The following LZTS2 variants were observed in gnomAD, a reference collection of about 807,000 sequenced individuals.
LZTS2 encodes the protein leucine zipper putative tumor suppressor 2.
In LZTS2, 32 loss-of-function variants were observed where a neutral mutation model predicts 60.6. That is an observed-to-expected ratio of 0.53 (90% CI 0.40 to 0.71). The LOEUF is 0.71. LZTS2 is among the 30% of genes least tolerant of loss of function. The probability of loss-of-function intolerance (pLI) is 0.00; values close to 1 mark genes in which losing one functional copy is unlikely to be tolerated. For synonymous variants in LZTS2, 360 were observed against 393.1 expected (o/e 0.92, Z 1.00); for missense variants, 792 against 901.9 (o/e 0.88, Z 1.56).
rs747095348 is a variant in LZTS2 at position 101,002,893 on chromosome 10, C to T, written c.355C>T (p.His119Tyr). ...CCGAGAGCAGCGGGCACACAATGCC[C>T]ACCTCCGCGGCCCACCACCAAAGCT... The change falls in exon 1 of 4, where the codon CAC becomes TAC. Residue 119 changes from histidine to tyrosine, a missense_variant. Physicochemically the swap from His to Tyr is moderately conservative, Grantham distance 83. Transcript: ENST00000370220. The T allele has an allele frequency of 1.6e-5, 26 of 1,613,664 alleles. No individual in the cohort carries two copies. Among genetic ancestry groups the T allele is most frequent in the East Asian group, 4.5e-5 (2 of 44,886 alleles).
At chr10:101,006,583 G>T in exon 4 of LZTS2, 1 of 1,610,084 alleles carries the variant, frequency 6.2e-7, no homozygotes, top group South Asian at 1.1e-5. Context: ...TGGCTCTGCG[G>T]GTGGCGCTGC....
chr10:101,006,059 C>T (rs940447777), intron 3 of LZTS2, among the ~76,000 whole-genome samples: 1 of 152,192 alleles, frequency 6.6e-6, no homozygotes, highest in Non-Finnish European at 1.5e-5. Context: ...AACTGAGGCC[C>T]ATAAAGGCTG....
At chr10:101,007,430 C>T in exon 4 of LZTS2, 4 of 1,450,994 alleles carry the variant, frequency 2.8e-6, no homozygotes, top group Non-Finnish European at 1.8e-6. Context: ...CCCACCGCTG[C>T]CAGTGCCACT....
exon 4 of LZTS2, chr10:101,007,558 C>T (rs1243746780): frequency 1.5e-6 from 2 of 1,309,400 alleles, no homozygotes; most frequent in East Asian, 5.2e-5. Flanking sequence ...CCAGATGGCA[C>T]CAGCTGCTCC....
exon 1 of LZTS2, chr10:101,002,882 C>T: frequency 6.2e-7 from 1 of 1,613,790 alleles, no homozygotes; most frequent in Non-Finnish European, 8.5e-7. Context: ...GAGCAGCGGG[C>T]ACACAATGCC....
upstream of LZTS2, chr10:100,997,196 G>A (rs1851934021): frequency 6.5e-6 from 1 of 152,680 alleles, no homozygotes; most frequent in African/African-American, 2.4e-5. Context: ...TGGAGCAGGA[G>A]CGGGGCCGGA....
At position 101,005,506 on chromosome 10, in the gene LZTS2, C is replaced by T; in HGVS notation, c.1117C>T (p.Arg373Ter). 1.9e-6 allele frequency: 3 copies of T among 1,589,170 alleles called. No individual in the cohort carries two copies. The highest frequency in any genetic ancestry group is 2.6e-6 in the Non-Finnish European group (3 of 1,166,308). Residue 373 changes from arginine to a stop codon, truncating the protein, a stop_gained, in exon 3 of 4, where the codon CGA (arginine) becomes TGA (stop). Transcript: ENST00000370220. LOFTEE classifies it high-confidence loss of function. ...CTGGCAGCGAGAGCGTGAGGCCCTG[C>T]GAGAGGACTGTGCGGCCCAGGCACA...
Position 101,005,633 on chromosome 10 carries a change from G to A in LZTS2, c.1244G>A (p.Arg415His), listed in dbSNP as rs560043864. Reference sequence around the variant, plus strand: ...GACTTCGCACAGCTGCTGCAGGAGCGCGAACAGCTGGAGCGGCGCTGCGCC... The same window carrying A: ...GACTTCGCACAGCTGCTGCAGGAGCACGAACAGCTGGAGCGGCGCTGCGCC... The change falls in exon 3 of 4, where the codon CGC (arginine) becomes CAC (histidine). Residue 415 changes from arginine to histidine, a missense_variant. Physicochemically the swap from Arg to His is conservative, Grantham distance 29. Transcript: ENST00000370220. 4.9e-5 allele frequency: 79 copies of A among 1,610,796 alleles called. No individual in the cohort carries two copies. The South Asian group carries it at 5.3e-4, about 11-fold the overall frequency.
chr10:101,003,210 C>T, intron 1 of LZTS2: 2 of 541,040 alleles, frequency 3.7e-6, no homozygotes, highest in South Asian at 3.4e-5. Context: ...GTGCTAGTTG[C>T]TTACGTTCTG....
At chr10:100,999,868 GGCCGGA>G (rs1362235995) in exon 1 of LZTS2, 5 of 150,198 alleles carry the variant, frequency 3.3e-5, no homozygotes, top group African/African-American at 7.3e-5. Context: ...CCGGGGCCGG[GGCCGGA>G]GCCGGAGCCG....
exon 4 of LZTS2, chr10:101,006,748 G>C (rs145739826): frequency 6.3e-7 from 1 of 1,586,934 alleles, no homozygotes; most frequent in Non-Finnish European, 8.6e-7. Flanking sequence ...CTGGGCAGTT[G>C]GATGCTGAGG....
chr10:101,004,298 C>G, intron 2 of LZTS2, 132 bp downstream of exon 3: 2 of 987,400 alleles, frequency 2.0e-6, no homozygotes, highest in Non-Finnish European at 2.9e-6. Flanking sequence ...GCCCTCCCCA[C>G]CAGTTGTCTG....
chr10:101,006,729 G>A (rs757753391), exon 4 of LZTS2: 3 of 1,601,224 alleles, frequency 1.9e-6, no homozygotes, highest in Non-Finnish European at 2.6e-6. Flanking sequence ...GAGCAGCTGC[G>A]GGAGAAAGCT....
chr10:101,007,568 C>T (rs752111913), exon 4 of LZTS2: 196 of 1,303,440 alleles, frequency 1.5e-4, no homozygotes, highest in Non-Finnish European at 1.9e-4. Context: ...CCAGCTGCTC[C>T]GGATGTGCCT....
intron 2 of LZTS2, among the ~76,000 whole-genome samples, chr10:101,004,708 T>C (rs1852131855): frequency 6.6e-6 from 1 of 152,234 alleles, no homozygotes; most frequent in African/African-American, 2.4e-5. Flanking sequence ...TGCTTAACTT[T>C]ACTCAGCCTT....
At chr10:101,003,558 A>G in exon 2 of LZTS2, 1 of 1,547,014 alleles carries the variant, frequency 6.5e-7, no homozygotes. Flanking sequence ...AGTGCTGCCC[A>G]AACCTCGAGG....
At chr10:101,002,350 G>A (rs1029478522) in exon 1 of LZTS2, 7 of 507,804 alleles carry the variant, frequency 1.4e-5, no homozygotes, top group African/African-American at 1.2e-4. Context: ...GGCCCAGGGG[G>A]AATTGAGATT....
chr10:101,006,051 C>A (rs1277151888), intron 3 of LZTS2, among the ~76,000 whole-genome samples: 1 of 152,232 alleles, frequency 6.6e-6, no homozygotes, highest in Non-Finnish European at 1.5e-5. Context: ...GATGAGTAAA[C>A]TGAGGCCCAT....
chr10:100,997,771 G>A (rs1454387522), upstream of LZTS2, among the ~76,000 whole-genome samples: 13 of 152,228 alleles, frequency 8.5e-5, no homozygotes, highest in Admixed American at 8.5e-4. Flanking sequence ...TCCGGGGCGC[G>A]TTTGCTTGGT....
Sources: allele counts gnomAD v4.1 joint callset (sites outside exome capture counted in the v4.1 genomes callset), GRCh38; gene constraint gnomAD v4.1.1; transcripts MANE v1.5; gene names NCBI Gene and HGNC (gene_info 2026-07-23, HGNC 2026-07-21).